DAPK1: variants seen among roughly 807,000 people sequenced by gnomAD.
DAPK1 encodes death-associated protein kinase 1.
Under a neutral mutation model 144.9 loss-of-function variants are expected in DAPK1, and 56 were observed. The ratio of observed to expected loss-of-function variants is 0.39; its 90% CI spans 0.31 to 0.48. The LOEUF (loss-of-function observed/expected upper bound fraction) is 0.48. Ranked by LOEUF, DAPK1 falls within the 20% of genes least tolerant of loss-of-function variation. The pLI, the probability that DAPK1 is intolerant of heterozygous loss-of-function variation, is 0.95. For synonymous variants in DAPK1, 690 were observed against 749.0 expected (o/e 0.92, Z 1.29); for missense variants, 1,454 against 1,875.4 (o/e 0.78, Z 4.15).
chr9:87,551,401 C>A (rs1477151529), intron 2 of DAPK1, among the ~76,000 whole-genome samples: 1 of 152,212 alleles, frequency 6.6e-6, no homozygotes, highest in Non-Finnish European at 1.5e-5. Context: ...CCACCTTGGC[C>A]TCCCAAAGTG....
At chr9:87,682,049 C>T (rs1157311785) in intron 20 of DAPK1, among the ~76,000 whole-genome samples, 1 of 152,166 alleles carries the variant, frequency 6.6e-6, no homozygotes, top group East Asian at 1.9e-4. Flanking sequence ...GGTCCTCAAC[C>T]CTTATCCTTC....
At chr9:87,656,751 G>A (rs1282590004) in intron 17 of DAPK1, among the ~76,000 whole-genome samples, 3 of 152,328 alleles carry the variant, frequency 2.0e-5, no homozygotes, top group East Asian at 3.9e-4. Flanking sequence ...GCATGGAAAA[G>A]TGTTCCCAAT....
intron 2 of DAPK1, among the ~76,000 whole-genome samples, chr9:87,552,466 C>A (rs935544661): frequency 6.6e-6 from 1 of 152,068 alleles, no homozygotes. Flanking sequence ...ACTTGTGGCC[C>A]ACACACTAAT....
At chr9:87,568,072 G>C (rs1288022362) in intron 2 of DAPK1, among the ~76,000 whole-genome samples, 1 of 152,246 alleles carries the variant, frequency 6.6e-6, no homozygotes, top group East Asian at 1.9e-4. Flanking sequence ...TGCCCCTTTA[G>C]GGTGAGTTAC....
chr9:87,603,794 A>G (rs1313954692), intron 2 of DAPK1, among the ~76,000 whole-genome samples: 1 of 152,158 alleles, frequency 6.6e-6, no homozygotes. Context: ...TGTTCCGCTG[A>G]CTATCAGTGG....
At chr9:87,504,312 G>T (rs565335672) in intron 2 of DAPK1, among the ~76,000 whole-genome samples, 3 of 152,302 alleles carry the variant, frequency 2.0e-5, no homozygotes, top group Admixed American at 1.3e-4. Context: ...TTTTAGGAAG[G>T]TCTAATAATA....
chr9:87,660,649 C>T (rs942574026), intron 18 of DAPK1, among the ~76,000 whole-genome samples: 1 of 152,030 alleles, frequency 6.6e-6, no homozygotes, highest in Non-Finnish European at 1.5e-5. Flanking sequence ...CTTCACCCCT[C>T]CAAGTCCCCG....
intron 21 of DAPK1, among the ~76,000 whole-genome samples, chr9:87,687,153 T>C (rs973531539): frequency 2.0e-5 from 3 of 152,232 alleles, no homozygotes; most frequent in African/African-American, 7.2e-5. Context: ...TCCTCTCTTC[T>C]AGCTATTTTG....
intron 18 of DAPK1, among the ~76,000 whole-genome samples, chr9:87,660,524 T>C (rs1830804966): frequency 6.6e-6 from 1 of 152,184 alleles, no homozygotes; most frequent in South Asian, 2.1e-4. Context: ...AAGTGCAATT[T>C]TCTCCACTGG....
chr9:87,582,136 T>G (rs1269446876), intron 2 of DAPK1, among the ~76,000 whole-genome samples: 2 of 149,354 alleles, frequency 1.3e-5, no homozygotes, highest in African/African-American at 5.1e-5. Context: ...CCTCCGGTCT[T>G]TTTTTTTAAT....
At chr9:87,654,472 T>G (rs1409827692) in intron 17 of DAPK1, among the ~76,000 whole-genome samples, 2 of 152,210 alleles carry the variant, frequency 1.3e-5, no homozygotes, top group Non-Finnish European at 2.9e-5. Context: ...GTTATGTGAT[T>G]AACTCAAGCA....
chr9:87,503,689 C>T (rs1824490663), intron 2 of DAPK1, among the ~76,000 whole-genome samples: 2 of 152,204 alleles, frequency 1.3e-5, no homozygotes, highest in South Asian at 4.2e-4. Context: ...ATTAGGGCCT[C>T]AACAAATGAT....
At chr9:87,581,078 G>A (rs998105313) in intron 2 of DAPK1, among the ~76,000 whole-genome samples, 4 of 152,136 alleles carry the variant, frequency 2.6e-5, no homozygotes, top group South Asian at 2.1e-4. Flanking sequence ...AGTTCTCTCC[G>A]CTTGTTTTCA....
chr9:87,677,584 G>A (rs1024659541), intron 19 of DAPK1, among the ~76,000 whole-genome samples: 1 of 152,204 alleles, frequency 6.6e-6, no homozygotes, highest in African/African-American at 2.4e-5. Flanking sequence ...CCAGTGACTG[G>A]ATTTAACCAG....
chr9:87,643,601 A>T, intron 11 of DAPK1, 133 bp downstream of exon 11: 1 of 638,260 alleles, frequency 1.6e-6, no homozygotes, highest in Non-Finnish European at 2.7e-6. Context: ...ATCCCCTCGG[A>T]GGGGTTTGGG....
At chr9:87,588,301 C>G (rs551213165) in intron 2 of DAPK1, among the ~76,000 whole-genome samples, 2 of 152,278 alleles carry the variant, frequency 1.3e-5, no homozygotes, top group African/African-American at 4.8e-5. Context: ...TGACCTAAAC[C>G]TATTAGGGAT....
At chr9:87,573,336 C>T (rs767816379) in intron 2 of DAPK1, among the ~76,000 whole-genome samples, 24 of 152,244 alleles carry the variant, frequency 1.6e-4, no homozygotes, top group Non-Finnish European at 3.2e-4. Context: ...GTGCACTGCA[C>T]ATTCCTCATA....
intron 2 of DAPK1, among the ~76,000 whole-genome samples, chr9:87,573,019 C>G (rs567385608): frequency 6.6e-6 from 1 of 152,280 alleles, no homozygotes; most frequent in East Asian, 1.9e-4. Flanking sequence ...ACAGGAGTTT[C>G]GCTTATACAA....
chr9:87,542,795 T>A (rs970774256), intron 2 of DAPK1, among the ~76,000 whole-genome samples: 1 of 152,190 alleles, frequency 6.6e-6, no homozygotes, highest in African/African-American at 2.4e-5. Flanking sequence ...GAGATCTGTC[T>A]GGCTTTGGAG....
Sources: allele counts gnomAD v4.1 joint callset (sites outside exome capture counted in the v4.1 genomes callset), GRCh38; gene constraint gnomAD v4.1.1; transcripts MANE v1.5; gene names NCBI Gene and HGNC (gene_info 2026-07-23, HGNC 2026-07-21).